The following ZFYVE1 variants were observed in gnomAD, a reference collection of about 807,000 sequenced individuals.
ZFYVE1 encodes zinc finger FYVE domain-containing protein 1.
ZFYVE1 carries 30 observed loss-of-function variants against 74.4 expected under a neutral mutation model. That is an observed-to-expected ratio of 0.40 (90% confidence interval 0.30 to 0.55). The LOEUF (loss-of-function observed/expected upper bound fraction) is 0.55, where lower values mean the gene tolerates loss of function less well. Among genes scored for constraint, ZFYVE1 ranks in the 20% least tolerant of loss-of-function variants. The probability of loss-of-function intolerance (pLI) is 0.42; values close to 1 mark genes in which losing one functional copy is unlikely to be tolerated. For missense variants in ZFYVE1, 703 were observed against 1,011.6 expected (o/e 0.69, Z 4.14); for synonymous variants, 335 against 385.1 (o/e 0.87, Z 1.52).
At position 72,971,304 on chromosome 14, in the gene ZFYVE1, C is replaced by A. The variant is rs146701508; in HGVS notation, c.2102-190G>T. Among the ~76,000 whole-genome samples, 22 of 152,294 alleles carry A rather than the reference C, an allele frequency of 1.4e-4. No homozygotes were observed. The East Asian group carries it at 4.2e-3, about 29-fold the overall frequency. Reference sequence around the variant, plus strand: ...CAGATCAGAGTCTTTGGGGCTGTCGCATAGGCACTGATTTTCCCTTTTCCT... The same window carrying A: ...CAGATCAGAGTCTTTGGGGCTGTCGAATAGGCACTGATTTTCCCTTTTCCT... On this transcript the variant is annotated intron_variant, in intron 11 of 11. Coordinates refer to ENST00000556143, the MANE Select transcript of ZFYVE1 (RefSeq NM_021260.4).
chr14:72,987,875 G>A (rs375624884), intron 4 of ZFYVE1, among the ~76,000 whole-genome samples: 1 of 152,150 alleles, frequency 6.6e-6, no homozygotes, highest in African/African-American at 2.4e-5. Flanking sequence ...CAGTGTGGCT[G>A]AATGACATCA....
Position 72,970,181 on chromosome 14 carries a change from T to G in ZFYVE1, c.*701A>C. On this transcript the variant is annotated 3_prime_UTR_variant, in exon 12 of 12. Coordinates refer to ENST00000556143, the MANE Select transcript of ZFYVE1 (RefSeq NM_021260.4). ...GGGGGACCAGGGACAGCACGGCCCC[T>G]GCATTTCTACTTCTCAGGGCCGAAG... 1 of 178,422 alleles carries G rather than the reference T, an allele frequency of 5.6e-6. No individual in the cohort carries two copies. The allele number at this position is 178,422 out of a possible 1,614,324, so 11.1% of individuals were successfully genotyped here.
At chr14:72,981,519 G>A (rs778151964) in intron 5 of ZFYVE1, among the ~76,000 whole-genome samples, 2 of 152,056 alleles carry the variant, frequency 1.3e-5, no homozygotes, top group Non-Finnish European at 2.9e-5. Context: ...ACCAGAAGCT[G>A]GTCAATTTCA....
chr14:72,985,344 T>C (rs1199670085), intron 4 of ZFYVE1, among the ~76,000 whole-genome samples: 1 of 152,004 alleles, frequency 6.6e-6, no homozygotes, highest in East Asian at 1.9e-4. Flanking sequence ...TTGTTTTTGT[T>C]TTGTTATTGA....
At position 73,023,386 on chromosome 14, in the gene ZFYVE1, T is replaced by TA. The variant is rs1894382743; in HGVS notation, c.483+639_483+640insT. ...ATATGTTTTATATATAATATATATA[T>TA]TTTATGTGTTTTATATATAATATAT... On this transcript the variant is annotated intron_variant, in intron 2 of 11. Transcript: ENST00000556143. 4.8e-4 allele frequency among the ~76,000 whole-genome samples: 6 copies of TA among 12,398 alleles called. 1 individual carries two copies. In the South Asian group the frequency reaches 0.01, roughly 21 times the overall value. 8.1% of individuals were successfully genotyped at this position (12,398 alleles called of 152,430 possible).
At position 72,969,886 on chromosome 14, in the gene ZFYVE1, T is replaced by C; in HGVS notation, c.*996A>G. On this transcript the variant is annotated 3_prime_UTR_variant, in exon 12 of 12. Transcript: ENST00000556143. ...AACTAACAGTTCATCCTGTGCTCAGTTTCCCTGGAAGGTTTCTCATGATCG... is the reference window on the plus strand; with the variant it reads ...AACTAACAGTTCATCCTGTGCTCAGCTTCCCTGGAAGGTTTCTCATGATCG... 1.6e-6 allele frequency: 1 copy of C among 615,278 alleles called. No homozygotes were observed. Among genetic ancestry groups the C allele is most frequent in the Non-Finnish European group, 2.9e-6 (1 of 347,198 alleles). The allele number at this position is 615,278 out of a possible 1,614,324, so 38.1% of individuals were successfully genotyped here.
chr14:72,993,143 C>T lies in ZFYVE1; in HGVS notation c.1203G>A (p.Lys401=), dbSNP rs746246389. ...GCCCTTGGGGCACAAGCCAACTGACCTTCAGGGCTTTGAAGATGACTCCCG... is the reference window on the plus strand; with the variant it reads ...GCCCTTGGGGCACAAGCCAACTGACTTTCAGGGCTTTGAAGATGACTCCCG... ...RHPGVIFKAL[K]ALSDRFSGEI... is the part of the protein sequence containing the mutation. The change falls in exon 4 of 12, where the codon AAG becomes AAA. Residue 401 remains lysine (K), a splice_region_variant and synonymous_variant. Coordinates refer to ENST00000556143, the MANE Select transcript of ZFYVE1 (RefSeq NM_021260.4). 1 of 1,600,786 alleles carries T rather than the reference C, an allele frequency of 6.2e-7. No homozygotes were observed. Among genetic ancestry groups the T allele is most frequent in the Non-Finnish European group, 8.5e-7 (1 of 1,172,028 alleles).
chr14:72,997,497 T>TTCC (rs1170955725), intron 3 of ZFYVE1, among the ~76,000 whole-genome samples: 2 of 152,104 alleles, frequency 1.3e-5, no homozygotes, highest in Non-Finnish European at 2.9e-5. Flanking sequence ...TGTACCTGGC[T>TTCC]TCCTCCTATT....
In ZFYVE1 at chr14:72,970,977, C is replaced by G; in HGVS notation, c.2239G>C (p.Glu747Gln). The G allele has an allele frequency of 6.2e-7, 1 of 1,614,236 alleles. No homozygotes were observed. The highest frequency in any genetic ancestry group is 2.2e-5 in the East Asian group (1 of 44,882). The change falls in exon 12 of 12, where the codon GAG (glutamate) becomes CAG (glutamine). Residue 747 changes from glutamate (E) to glutamine (Q), a missense_variant. Transcript: ENST00000556143. ...ACAGCCCGGCGGTCATGGGAGCACT[C>G]ATCACAGAAGCCCTGTCCGCAGGCC... is the stretch of plus-strand genomic sequence containing the variant. ...CRACGQGFCD[E>Q]CSHDRRAVPS...
chr14:72,972,982 G>A (rs1482493920), intron 11 of ZFYVE1, among the ~76,000 whole-genome samples: 1 of 151,672 alleles, frequency 6.6e-6, no homozygotes, highest in Middle Eastern at 3.2e-3. Flanking sequence ...TGGTATTATA[G>A]GCGTGAGCCA....
At chr14:72,990,948 C>T (rs547266897) in intron 4 of ZFYVE1, among the ~76,000 whole-genome samples, 1 of 152,082 alleles carries the variant, frequency 6.6e-6, no homozygotes, top group African/African-American at 2.4e-5. Flanking sequence ...GACCTGCCCA[C>T]CTCCGCCTCT....
intron 2 of ZFYVE1, 145 bp from the exon 3 acceptor site, chr14:72,998,460 A>T: frequency 2.8e-6 from 2 of 703,238 alleles, no homozygotes; most frequent in South Asian, 3.8e-5. Flanking sequence ...CCCCACCTCC[A>T]CCCTTAGCAA....
intron 2 of ZFYVE1, among the ~76,000 whole-genome samples, chr14:73,009,271 T>C (rs1347221080): frequency 6.6e-6 from 1 of 152,222 alleles, no homozygotes; most frequent in African/African-American, 2.4e-5. Context: ...AAAATGAAGA[T>C]AACAACACAA....
chr14:73,021,167 A>T (rs1418783572), intron 2 of ZFYVE1, among the ~76,000 whole-genome samples: 8 of 152,040 alleles, frequency 5.3e-5, no homozygotes, highest in Non-Finnish European at 1.0e-4. Flanking sequence ...CAACATAGAG[A>T]AACCCCATCT....
chr14:73,013,061 C>A (rs1894121742), intron 2 of ZFYVE1, among the ~76,000 whole-genome samples: 1 of 152,148 alleles, frequency 6.6e-6, no homozygotes, highest in Admixed American at 6.6e-5. Flanking sequence ...TTCAAGTATT[C>A]TAACATCTAG....
chr14:73,011,568 G>GCAGT (rs1894092301), intron 2 of ZFYVE1, among the ~76,000 whole-genome samples: 2 of 151,572 alleles, frequency 1.3e-5, no homozygotes, highest in Admixed American at 1.3e-4. Context: ...CGCCCAGGCT[G>GCAGT]CAGTGCAGTG....
At chr14:72,994,264 A>C (rs1893692121) in intron 3 of ZFYVE1, among the ~76,000 whole-genome samples, 1 of 137,718 alleles carries the variant, frequency 7.3e-6, no homozygotes, top group Non-Finnish European at 1.5e-5. Flanking sequence ...CAGAGGTTGC[A>C]GTGAGCCGGG....
chr14:72,974,920 T>C lies in ZFYVE1; in HGVS notation c.1846A>G (p.Thr616Ala), dbSNP rs1893128589. 6.2e-7 allele frequency: 1 copy of C among 1,613,660 alleles called. No individual in the cohort carries two copies. Among genetic ancestry groups the C allele is most frequent in the African/African-American group, 1.3e-5 (1 of 74,864 alleles). Residue 616 changes from threonine (T) to alanine (A), a missense_variant, in exon 10 of 12, where the codon ACT becomes GCT. Physicochemically the swap from Thr to Ala is moderately conservative, Grantham distance 58 (BLOSUM62 0). Around this residue, in one of 2 missense-constraint regions of ZFYVE1, gnomAD observed 492 missense variants for 790.0 expected, o/e 0.62. Coordinates refer to ENST00000556143, the MANE Select transcript of ZFYVE1 (RefSeq NM_021260.4). Reference protein sequence around the residue: ...KCATSFKDNDTKHHCRACGEG... With the variant: ...KCATSFKDNDAKHHCRACGEG... ...CCACAGGCTCGGCAGTGATGCTTAG[T>C]GTCGTTATCTTTAAAGGACGTCGCA...
intron 2 of ZFYVE1, among the ~76,000 whole-genome samples, chr14:73,015,603 C>T (rs565173091): frequency 6.6e-6 from 1 of 152,188 alleles, no homozygotes; most frequent in South Asian, 2.1e-4. Context: ...AGGCTGCTCT[C>T]GAATTCCTGA....
Sources: gnomAD v4.1 joint callset for allele counts (sites outside exome capture counted in the v4.1 genomes callset) on GRCh38, gnomAD v4.1.1 for gene constraint, gnomAD v4.1.1 regional missense constraint, MANE v1.5 for transcripts, NCBI Gene and HGNC (gene_info 2026-07-23, HGNC 2026-07-21) for gene names.